The following KLRG1 variants were observed in gnomAD, a reference collection of about 807,000 sequenced individuals.
KLRG1 encodes the protein killer cell lectin like receptor G1.
A neutral mutation model predicts 21.8 loss-of-function variants in KLRG1; 16 were observed. The observed-to-expected ratio is 0.73, with a 90% CI of 0.50 to 1.11. The LOEUF (loss-of-function observed/expected upper bound fraction) is 1.11, where lower values mean the gene tolerates loss of function less well. Ranked by LOEUF, KLRG1 falls within the 50% of genes most tolerant of loss-of-function variation. KLRG1 has a pLI of 0.00. For missense variants in KLRG1, 173 were observed against 218.3 expected, an observed-to-expected ratio of 0.79 and a Z score of 1.31; for synonymous variants, 69 against 75.9, an observed-to-expected ratio of 0.91 and a Z score of 0.47.
At chr12:9,007,131 T>C (rs1406167205) in intron 3 of KLRG1, among the ~76,000 whole-genome samples, 6 of 152,196 alleles carry the variant, frequency 3.9e-5, no homozygotes, top group African/African-American at 1.2e-4. Context: ...ATGTCCTGAA[T>C]GGAAACAGGA....
chr12:9,009,139 C>A, intron 4 of KLRG1, 64 bp downstream of exon 4: 1 of 1,231,538 alleles, frequency 8.1e-7, no homozygotes. Context: ...AATTATGATA[C>A]TTGGGGAATA....
chr12:9,004,633 T>A (rs1305977949), intron 3 of KLRG1, among the ~76,000 whole-genome samples: 1 of 152,106 alleles, frequency 6.6e-6, no homozygotes, highest in Non-Finnish European at 1.5e-5. Flanking sequence ...CATGCCACCA[T>A]GCCTGGTTGG....
At chr12:9,202,575 C>A in the KLRG1 span, 3 of 1,613,986 alleles carry the variant, frequency 1.9e-6, no homozygotes, top group Non-Finnish European at 2.5e-6. Context: ...AAAGACCAGA[C>A]TTTGGGTGTT....
At chr12:9,101,596 A>G in the KLRG1 span, 8 of 1,613,874 alleles carry the variant, frequency 5.0e-6, no homozygotes, top group East Asian at 8.9e-5. Context: ...AACACAAGAT[A>G]AGCAGTGTGA....
the KLRG1 span, among the ~76,000 whole-genome samples, chr12:9,087,010 G>T: frequency 7.1e-4 from 108 of 151,958 alleles, no homozygotes; most frequent in African/African-American, 2.4e-3. Context: ...GATTGAGAAA[G>T]AAATAAAAAC....
At chr12:9,009,230 G>C (rs1383377471) in intron 4 of KLRG1, among the ~76,000 whole-genome samples, 155 bp downstream of exon 4, 3 of 129,918 alleles carry the variant, frequency 2.3e-5, no homozygotes, top group Admixed American at 1.6e-4. Flanking sequence ...TGAACAATGG[G>C]TAAGGGCAAA....
intron 1 of KLRG1, among the ~76,000 whole-genome samples, chr12:8,972,496 GTGAGT>G (rs1156717445): frequency 1.3e-5 from 2 of 152,194 alleles, no homozygotes; most frequent in African/African-American, 2.4e-5. Flanking sequence ...TTTATATGGT[GTGAGT>G]TAAGTCCAGT....
the KLRG1 span, among the ~76,000 whole-genome samples, chr12:9,169,251 A>AGTG: frequency 6.6e-6 from 1 of 152,100 alleles, no homozygotes; most frequent in Non-Finnish European, 1.5e-5. Flanking sequence ...CCTGACTCAC[A>AGTG]TACTGAGCTT....
At chr12:8,956,193 C>A (rs1455109044) in intron 1 of KLRG1, among the ~76,000 whole-genome samples, 1 of 152,226 alleles carries the variant, frequency 6.6e-6, no homozygotes, top group Non-Finnish European at 1.5e-5. Flanking sequence ...AGGTGAAAGG[C>A]TGTAGCCCTC....
chr12:9,202,263 C>A, the KLRG1 span: 1 of 1,437,116 alleles, frequency 7.0e-7, no homozygotes, highest in Non-Finnish European at 9.8e-7. Context: ...CTACCTCACT[C>A]TGGGTGAGTA....
At chr12:8,968,831 A>T (rs1946521858) in intron 1 of KLRG1, among the ~76,000 whole-genome samples, 1 of 152,318 alleles carries the variant, frequency 6.6e-6, no homozygotes, top group East Asian at 1.9e-4. Flanking sequence ...ATATTTGAAA[A>T]TTAACAGTTT....
the KLRG1 span, among the ~76,000 whole-genome samples, chr12:9,193,054 C>G: frequency 2.6e-4 from 39 of 152,266 alleles, no homozygotes; most frequent in African/African-American, 9.1e-4. Flanking sequence ...AGGGATTTTT[C>G]AGATATTAGA....
the KLRG1 span, among the ~76,000 whole-genome samples, chr12:9,140,779 G>C: frequency 6.6e-6 from 1 of 152,116 alleles, no homozygotes; most frequent in African/African-American, 2.4e-5. Flanking sequence ...ACTTACCACA[G>C]GTCAGAAACC....
At chr12:9,113,567 G>A in the KLRG1 span, 1 of 1,604,684 alleles carries the variant, frequency 6.2e-7, no homozygotes, top group Admixed American at 1.7e-5. Flanking sequence ...GGTTCAGTTA[G>A]AGGAAAGTGA....
At chr12:9,175,920 G>A in the KLRG1 span, among the ~76,000 whole-genome samples, 11 of 152,154 alleles carry the variant, frequency 7.2e-5, 1 homozygote, top group Middle Eastern at 3.4e-3. Flanking sequence ...AAGACCCAGA[G>A]GCAAAAATAC....
chr12:9,118,305 A>T, the KLRG1 span, among the ~76,000 whole-genome samples: 1 of 152,170 alleles, frequency 6.6e-6, no homozygotes, highest in Non-Finnish European at 1.5e-5. Flanking sequence ...GGTATGGCAT[A>T]TGACTAAGTT....
chr12:9,117,156 A>G, the KLRG1 span, among the ~76,000 whole-genome samples: 1 of 152,212 alleles, frequency 6.6e-6, no homozygotes, highest in Non-Finnish European at 1.5e-5. Context: ...CGGCACATGC[A>G]TGAAATGAAA....
the KLRG1 span, chr12:9,110,017 T>C: frequency 1.2e-6 from 2 of 1,611,740 alleles, no homozygotes; most frequent in African/African-American, 1.3e-5. Context: ...CATTGTGCGA[T>C]GCGATTTCCT....
the KLRG1 span, chr12:9,169,550 AG>A: frequency 6.2e-7 from 1 of 1,613,088 alleles, no homozygotes; most frequent in East Asian, 2.2e-5. Flanking sequence ...CCACATTGTC[AG>A]GAAAATTGGT....
Sources: allele counts gnomAD v4.1 joint callset (sites outside exome capture counted in the v4.1 genomes callset), GRCh38; gene constraint gnomAD v4.1.1; transcripts MANE v1.5; gene names NCBI Gene and HGNC (gene_info 2026-07-23, HGNC 2026-07-21).